The following FBXW7 variants were observed in gnomAD, a reference collection of about 807,000 sequenced individuals.
The protein encoded by FBXW7 is F-box and WD repeat domain containing 7.
In FBXW7, 11 loss-of-function variants were observed where a neutral mutation model predicts 86.3. The observed-to-expected ratio is 0.13, with a 90% CI of 0.08 to 0.21. The LOEUF (loss-of-function observed/expected upper bound fraction) is 0.21. FBXW7 is among the 10% of genes least tolerant of loss of function. The pLI is 1.00. For synonymous variants in FBXW7, 313 were observed against 297.9 expected (o/e 1.05, Z -0.52); for missense variants, 488 against 847.4 (o/e 0.58, Z 5.27).
At chr4:152,340,393 T>C (rs555798590) in intron 6 of FBXW7, among the ~76,000 whole-genome samples, 279 of 151,840 alleles carry the variant, frequency 1.8e-3, no homozygotes, top group Non-Finnish European at 3.0e-3. Flanking sequence ...CTGGCTAACA[T>C]GGTGAAACCC....
intron 2 of FBXW7, among the ~76,000 whole-genome samples, chr4:152,465,390 A>G (rs568229756): frequency 1.6e-4 from 24 of 152,302 alleles, no homozygotes; most frequent in African/African-American, 5.5e-4. Context: ...ACCACATTTG[A>G]TATAAACAAT....
chr4:152,430,501 CATG>C (rs1169733958), intron 2 of FBXW7, among the ~76,000 whole-genome samples: 1 of 150,146 alleles, frequency 6.7e-6, no homozygotes, highest in Non-Finnish European at 1.5e-5. Flanking sequence ...ATAAGAAAAT[CATG>C]ATATTTCTTA....
chr4:152,441,906 A>G (rs1359150636), intron 2 of FBXW7, among the ~76,000 whole-genome samples: 2 of 152,216 alleles, frequency 1.3e-5, no homozygotes, highest in South Asian at 2.1e-4. Flanking sequence ...TTTCTTAAAC[A>G]TTATCTTTAA....
intron 2 of FBXW7, among the ~76,000 whole-genome samples, chr4:152,531,355 C>T (rs960865493): frequency 6.6e-6 from 1 of 152,138 alleles, no homozygotes; most frequent in Non-Finnish European, 1.5e-5. Flanking sequence ...AACATCTCTT[C>T]CCCAGAGTTT....
At chr4:152,529,579 A>T (rs576250828) in intron 2 of FBXW7, among the ~76,000 whole-genome samples, 20 of 152,336 alleles carry the variant, frequency 1.3e-4, no homozygotes, top group African/African-American at 4.3e-4. Context: ...CTGACATATG[A>T]AACAAATATT....
At chr4:152,461,562 G>T (rs1230414815) in intron 2 of FBXW7, among the ~76,000 whole-genome samples, 1 of 152,070 alleles carries the variant, frequency 6.6e-6, no homozygotes, top group East Asian at 1.9e-4. Context: ...AAATTCTTCT[G>T]ATTATATTTA....
intron 4 of FBXW7, among the ~76,000 whole-genome samples, chr4:152,406,530 A>G (rs989787468): frequency 6.6e-6 from 1 of 152,266 alleles, no homozygotes; most frequent in Non-Finnish European, 1.5e-5. Flanking sequence ...ATTTAAAACT[A>G]TATTAACAGG....
At chr4:152,338,218 C>A in intron 6 of FBXW7, 1 of 210,210 alleles carries the variant, frequency 4.8e-6, no homozygotes, top group East Asian at 9.9e-5. Flanking sequence ...CATCTACCAC[C>A]AAGTCACTAA....
rs2126536525 is a variant in FBXW7, at chr4:152,330,857, G to A, written c.997C>T (p.Pro333Ser). The A allele has an allele frequency of 6.2e-7, 1 of 1,611,318 alleles. No individual in the cohort carries two copies. The highest frequency in any genetic ancestry group is 1.7e-4 in the Middle Eastern group (1 of 6,046). The change falls in exon 9 of 14, where the codon CCA (proline) becomes TCA (serine). Residue 333 changes from proline (P) to serine (S), a missense_variant. Pro to Ser is a moderately conservative substitution (Grantham distance 74). This residue lies in a region of FBXW7 where 57 missense variants were observed against 62.8 expected (regional missense o/e 0.91). Coordinates refer to ENST00000281708, the MANE Select transcript of FBXW7 (RefSeq NM_001349798.2). ...ACTTTTCTTCTCTTGATGTGCAATGGTTCATCAATCCCTAAAGTGTTACAG... is the reference window on the plus strand; with the variant it reads ...ACTTTTCTTCTCTTGATGTGCAATGATTCATCAATCCCTAAAGTGTTACAG... ...EKCKEEGIDE[P>S]LHIKRRKVIK... is the part of the protein sequence containing the mutation.
chr4:152,405,361 G>T (rs1174344507), intron 4 of FBXW7, among the ~76,000 whole-genome samples: 4 of 152,108 alleles, frequency 2.6e-5, no homozygotes, highest in Non-Finnish European at 4.4e-5. Context: ...TTAAGATAGG[G>T]GATTTGGACT....
chr4:152,384,232 C>T (rs1009859328), intron 4 of FBXW7, among the ~76,000 whole-genome samples: 1 of 152,122 alleles, frequency 6.6e-6, no homozygotes, highest in Admixed American at 6.6e-5. Context: ...CCTGTATACA[C>T]ATGCTTATAG....
At chr4:152,438,452 T>C (rs4696322) in intron 2 of FBXW7, among the ~76,000 whole-genome samples, 21,470 of 151,664 alleles carry the variant, frequency 0.14, 2,035 homozygotes, top group African/African-American at 0.27. Flanking sequence ...CCAAGCCAGG[T>C]GGATCACTTG....
At chr4:152,527,370 T>C (rs1178909826) in intron 2 of FBXW7, among the ~76,000 whole-genome samples, 1 of 152,234 alleles carries the variant, frequency 6.6e-6, no homozygotes, top group Non-Finnish European at 1.5e-5. Context: ...ATTACACTTT[T>C]AGTGAAGCAA....
At position 152,497,728 on chromosome 4, in the gene FBXW7, A is replaced by C. The variant is rs377676778; in HGVS notation, c.-120+37213T>G. The stretch of plus-strand genomic sequence containing the variant: ...GACTGGACTCGGCAATACTTGATAA[A>C]GTGGCACCTGAACCCTGTGATTCAG... On this transcript the variant is annotated intron_variant, in intron 2 of 13. Coordinates refer to ENST00000281708, the MANE Select transcript of FBXW7 (RefSeq NM_001349798.2). Among the ~76,000 whole-genome samples, 160 of 152,300 alleles carry C rather than the reference A, an allele frequency of 1.1e-3. 1 individual carries two copies. Among genetic ancestry groups the C allele is most frequent in the African/African-American group, 3.7e-3 (153 of 41,576 alleles).
At chr4:152,387,561 C>T (rs1012227884) in intron 4 of FBXW7, among the ~76,000 whole-genome samples, 1 of 150,372 alleles carries the variant, frequency 6.7e-6, no homozygotes, top group African/African-American at 2.5e-5. Context: ...ATAAATTAAA[C>T]CCTCTGCTTA....
intron 2 of FBXW7, among the ~76,000 whole-genome samples, chr4:152,429,754 G>A (rs1284979939): frequency 1.3e-5 from 2 of 152,140 alleles, no homozygotes; most frequent in Admixed American, 6.5e-5. Context: ...TTCAGAGTTC[G>A]GGATTAAATG....
At chr4:152,464,363 GATA>G (rs1476157141) in intron 2 of FBXW7, among the ~76,000 whole-genome samples, 2 of 152,104 alleles carry the variant, frequency 1.3e-5, no homozygotes, top group African/African-American at 4.8e-5. Context: ...TAAAAACAGA[GATA>G]ATAAGCTTTT....
rs527499008 is a variant in FBXW7 at position 152,429,159 on chromosome 4, C to T, written c.-119-16630G>A. Reference sequence around the variant, plus strand: ...GAGCCGAGATCGGGTCATTGCACTCCAGCATGGGCAACAAGAGCGAAACTC... The same window carrying T: ...GAGCCGAGATCGGGTCATTGCACTCTAGCATGGGCAACAAGAGCGAAACTC... On this transcript the variant is annotated intron_variant, in intron 2 of 13. Coordinates refer to ENST00000281708, the MANE Select transcript of FBXW7 (RefSeq NM_001349798.2). 9.9e-5 allele frequency among the ~76,000 whole-genome samples: 15 copies of T among 152,242 alleles called. No homozygotes were observed. The South Asian group carries it at 3.1e-3, about 32-fold the overall frequency.
chr4:152,375,325 C>CA (rs1050272494), intron 4 of FBXW7, among the ~76,000 whole-genome samples: 2 of 151,636 alleles, frequency 1.3e-5, no homozygotes, highest in African/African-American at 2.4e-5. Flanking sequence ...TCTAATGTGA[C>CA]AAAAAATGAG....
Sources: gnomAD v4.1 joint callset for allele counts (sites outside exome capture counted in the v4.1 genomes callset) on GRCh38, gnomAD v4.1.1 for gene constraint, gnomAD v4.1.1 regional missense constraint, MANE v1.5 for transcripts, NCBI Gene and HGNC (gene_info 2026-07-23, HGNC 2026-07-21) for gene names.